The following TMPRSS15 variants were observed in gnomAD, a reference collection of about 807,000 sequenced individuals.
The protein encoded by TMPRSS15 is transmembrane serine protease 15, also known as enteropeptidase.
A neutral mutation model predicts 125.3 loss-of-function variants in TMPRSS15; 128 were observed. That is an observed-to-expected ratio of 1.02 (90% CI 0.89 to 1.18). TMPRSS15 has a LOEUF of 1.18. Among genes scored for constraint, TMPRSS15 ranks in the 50% most tolerant of loss-of-function variants. The pLI is 0.00. For missense variants in TMPRSS15, 1,283 were observed against 1,212.7 expected (o/e 1.06, Z -0.86); for synonymous variants, 446 against 423.2 (o/e 1.05, Z -0.66).
At chr21:18,403,404 T>C in intron 1 of TMPRSS15, 74 bp downstream of exon 1, 7 of 1,597,412 alleles carry the variant, frequency 4.4e-6, no homozygotes, top group Non-Finnish European at 6.0e-6. Context: ...TAAAATAGAC[T>C]TACAGAATAA....
At chr21:18,332,229 T>G in intron 13 of TMPRSS15, 56 bp from the exon 14 acceptor site, 1 of 1,435,676 alleles carries the variant, frequency 7.0e-7, no homozygotes, top group Non-Finnish European at 9.8e-7. Context: ...TTCAGAGAGA[T>G]AATACCATAT....
intron 1 of TMPRSS15, among the ~76,000 whole-genome samples, chr21:18,413,274 T>TTTTCTTTTTCTTTC (rs2076170905): frequency 1.9e-5 from 2 of 108,036 alleles, no homozygotes; most frequent in African/African-American, 7.0e-5. Context: ...TTCTCTTTCT[T>TTTTCTTTTTCTTTC]TTTCTTTTTC....
chr21:18,281,308 T>C, intron 21 of TMPRSS15, 87 bp from the exon 22 acceptor site: 1 of 1,119,390 alleles, frequency 8.9e-7, no homozygotes, highest in South Asian at 1.2e-5. Flanking sequence ...TTTCAGAATA[T>C]GTTTCTATCC....
chr21:18,331,764 G>A (rs2075347482), intron 14 of TMPRSS15, among the ~76,000 whole-genome samples: 2 of 152,098 alleles, frequency 1.3e-5, no homozygotes, highest in South Asian at 4.1e-4. Flanking sequence ...AGCGGTGTCT[G>A]GAGTAACACT....
chr21:18,416,765 G>T (rs2076181301), intron 1 of TMPRSS15, among the ~76,000 whole-genome samples: 1 of 151,858 alleles, frequency 6.6e-6, no homozygotes, highest in Non-Finnish European at 1.5e-5. Flanking sequence ...TTTGCTATTG[G>T]ACATGATAAA....
At chr21:18,426,959 C>T (rs2300511) in intron 1 of TMPRSS15, among the ~76,000 whole-genome samples, 28,560 of 152,128 alleles carry the variant, frequency 0.19, 3,442 homozygotes, top group East Asian at 0.48. Flanking sequence ...GAAGTGTTCG[C>T]CTCTGCATTT....
chr21:18,474,583 C>A (rs150684209), intron 1 of TMPRSS15, among the ~76,000 whole-genome samples: 2,092 of 152,170 alleles, frequency 0.014, 42 homozygotes, highest in African/African-American at 0.047. Flanking sequence ...AGCCACCGCA[C>A]CTGGCCTAAA....
At chr21:18,430,828 T>C (rs536644947) in intron 1 of TMPRSS15, among the ~76,000 whole-genome samples, 2 of 152,290 alleles carry the variant, frequency 1.3e-5, no homozygotes, top group South Asian at 4.1e-4. Context: ...CCACAATATA[T>C]CAAATGTGTA....
chr21:18,305,047 C>A (rs896275462), intron 18 of TMPRSS15, among the ~76,000 whole-genome samples: 1 of 151,974 alleles, frequency 6.6e-6, no homozygotes, highest in Non-Finnish European at 1.5e-5. Context: ...GAGCACTTAC[C>A]CTAGGTGGTG....
At chr21:18,355,345 T>C (rs1451629499) in intron 8 of TMPRSS15, among the ~76,000 whole-genome samples, 1 of 151,806 alleles carries the variant, frequency 6.6e-6, no homozygotes, top group Admixed American at 6.6e-5. Flanking sequence ...CATAGTGTGT[T>C]GGATTCTCAC....
At chr21:18,416,423 C>T (rs2076180321) in intron 1 of TMPRSS15, among the ~76,000 whole-genome samples, 1 of 151,978 alleles carries the variant, frequency 6.6e-6, no homozygotes, top group Non-Finnish European at 1.5e-5. Flanking sequence ...TTCAGAATAT[C>T]CTAGAGCAAA....
chr21:18,387,545 T>C (rs1421822689), intron 3 of TMPRSS15, among the ~76,000 whole-genome samples: 1 of 151,684 alleles, frequency 6.6e-6, no homozygotes, highest in Admixed American at 6.6e-5. Flanking sequence ...GCAGAATGAA[T>C]GAAAGTATTC....
intron 18 of TMPRSS15, among the ~76,000 whole-genome samples, chr21:18,305,404 G>A (rs2075026307): frequency 6.6e-6 from 1 of 151,970 alleles, no homozygotes; most frequent in Non-Finnish European, 1.5e-5. Context: ...TAGCCAGGAT[G>A]GTCTCCATCT....
intron 3 of TMPRSS15, among the ~76,000 whole-genome samples, chr21:18,387,637 ACACACACACACACG>A (rs1010848313): frequency 5.3e-5 from 8 of 149,902 alleles, no homozygotes; most frequent in African/African-American, 1.5e-4. Context: ...ACACACACAC[ACACACACACACACG>A]CACACACACC....
At chr21:18,383,564 A>G in intron 4 of TMPRSS15, 63 bp downstream of exon 4, 1 of 1,574,714 alleles carries the variant, frequency 6.4e-7, no homozygotes, top group Non-Finnish European at 8.7e-7. Context: ...TCCCTGGTAT[A>G]TTGCTAGAAT....
chr21:18,315,121 G>C, intron 17 of TMPRSS15, 25 bp downstream of exon 17: 3 of 1,565,766 alleles, frequency 1.9e-6, no homozygotes, highest in Non-Finnish European at 2.6e-6. Context: ...AGTCATAAAA[G>C]TATTTTCCTA....
rs145193126 is a variant in TMPRSS15, at chr21:18,285,774, G to C, written c.2487-4553C>G. Among the ~76,000 whole-genome samples, 16 of 152,266 alleles carry C rather than the reference G, an allele frequency of 1.1e-4. No individual in the cohort carries two copies. In the East Asian group the frequency reaches 2.9e-3, roughly 28 times the overall value. The stretch of plus-strand genomic sequence containing the variant: ...ATCATTATCATTACCACAGTTAAAA[G>C]AAAAGAGTTGTTTATGAAAGGCCAT... On this transcript the variant is annotated intron_variant, in intron 21 of 24. Coordinates refer to ENST00000284885, the MANE Select transcript of TMPRSS15 (RefSeq NM_002772.3).
At chr21:18,460,593 T>C (rs1978533530) in intron 1 of TMPRSS15, 1 of 152,248 alleles carries the variant, frequency 6.6e-6, no homozygotes, top group Non-Finnish European at 1.5e-5. Context: ...GGCTAGCAAA[T>C]GCAAACTCTG....
In TMPRSS15 at chr21:18,376,424, A is replaced by T. The variant is rs539248241; in HGVS notation, c.532+2859T>A. On this transcript the variant is annotated intron_variant, in intron 5 of 24. Transcript: ENST00000284885. ...GTATCAGGTAAAATCTCTGCATCTC[A>T]GTCTTGAAGTAATTAAATCGAGGAA... 4.6e-5 allele frequency among the ~76,000 whole-genome samples: 7 copies of T among 152,310 alleles called. No individual in the cohort carries two copies. The Middle Eastern group carries it at 0.01, about 222-fold the overall frequency.
Sources: gnomAD v4.1 joint callset for allele counts (sites outside exome capture counted in the v4.1 genomes callset) on GRCh38, gnomAD v4.1.1 for gene constraint, MANE v1.5 for transcripts, NCBI Gene and HGNC (gene_info 2026-07-23, HGNC 2026-07-21) for gene names.